CORO7: variants seen among roughly 807,000 people sequenced by gnomAD.
The protein encoded by CORO7 is coronin 7.
A neutral mutation model predicts 126.6 loss-of-function variants in CORO7; 107 were observed. The observed-to-expected ratio is 0.85, with a 90% confidence interval of 0.72 to 0.99. CORO7 has a LOEUF of 0.99. Among genes scored for constraint, CORO7 ranks in the 50% least tolerant of loss-of-function variants. CORO7 has a pLI of 0.00. For missense variants in CORO7, 1,314 were observed against 1,255.8 expected, an observed-to-expected ratio of 1.05 and a Z score of -0.70; for synonymous variants, 603 against 536.8, an observed-to-expected ratio of 1.12 and a Z score of -1.70.
chr16:4,412,572 C>T, intron 2 of CORO7, 142 bp from the exon 3 acceptor site: 3 of 811,414 alleles, frequency 3.7e-6, no homozygotes, highest in Non-Finnish European at 5.9e-6. Context: ...ATATCCTCTG[C>T]ACGTAGCAAT....
At chr16:4,415,703 C>T (rs1394288313) in intron 1 of CORO7, 3 of 984,634 alleles carry the variant, frequency 3.0e-6, no homozygotes, top group Non-Finnish European at 2.4e-6. Flanking sequence ...GGAGGACACT[C>T]CCAGGCCTTA....
chr16:4,379,610 A>C (rs2054878080), intron 9 of CORO7, among the ~76,000 whole-genome samples: 1 of 152,046 alleles, frequency 6.6e-6, no homozygotes, highest in South Asian at 2.1e-4. Flanking sequence ...CTGGGGGGCT[A>C]CCTGAGGTGA....
chr16:4,393,400 A>T (rs1851957184), intron 7 of CORO7, among the ~76,000 whole-genome samples: 1 of 152,198 alleles, frequency 6.6e-6, no homozygotes, highest in Non-Finnish European at 1.5e-5. Context: ...CATGACGAAG[A>T]GGTCAGCCAG....
intron 9 of CORO7, among the ~76,000 whole-genome samples, chr16:4,385,972 T>C (rs995054736): frequency 1.3e-5 from 2 of 152,224 alleles, no homozygotes; most frequent in Non-Finnish European, 2.9e-5. Flanking sequence ...CTCCAGACTT[T>C]CCATGCTCAG....
At chr16:4,368,911 G>A (rs1276686706) in intron 9 of CORO7, among the ~76,000 whole-genome samples, 1 of 152,230 alleles carries the variant, frequency 6.6e-6, no homozygotes, top group African/African-American at 2.4e-5. Context: ...TGCCAGGACA[G>A]AAGCTGAGGG....
intron 6 of CORO7, 125 bp from the exon 7 acceptor site, chr16:4,395,464 A>G (rs1031497204): frequency 8.1e-7 from 1 of 1,241,344 alleles, no homozygotes; most frequent in Admixed American, 2.0e-5. Context: ...CAGGGCTGCC[A>G]TCACACACCA....
At chr16:4,366,168 C>T (rs973806623) in intron 9 of CORO7, among the ~76,000 whole-genome samples, 1 of 152,216 alleles carries the variant, frequency 6.6e-6, no homozygotes. Flanking sequence ...CTCCTCCGGC[C>T]GCTGGGCTTC....
intron 1 of CORO7, chr16:4,415,977 T>A (rs2056395538): frequency 5.6e-6 from 4 of 710,986 alleles, no homozygotes; most frequent in Non-Finnish European, 6.9e-6. Flanking sequence ...AGGGGCTCCC[T>A]CCCCACCACT....
At chr16:4,395,646 T>C (rs2055557812) in intron 6 of CORO7, among the ~76,000 whole-genome samples, 3 of 152,180 alleles carry the variant, frequency 2.0e-5, no homozygotes, top group South Asian at 2.1e-4. Flanking sequence ...CCCCTCCTAC[T>C]CTTCCAACTA....
intron 26 of CORO7, 93 bp downstream of exon 26, chr16:4,357,075 C>A (rs1249444251): frequency 6.6e-7 from 1 of 1,508,542 alleles, no homozygotes; most frequent in African/African-American, 1.4e-5. Flanking sequence ...GGCTGCTGTC[C>A]CAGTCTGGGT....
chr16:4,358,752 G>A, intron 23 of CORO7: 1 of 398,914 alleles, frequency 2.5e-6, no homozygotes, highest in Non-Finnish European at 4.5e-6. Flanking sequence ...GTTGGGAAGA[G>A]ATGTAAATAG....
intron 1 of CORO7, among the ~76,000 whole-genome samples, chr16:4,416,098 G>A (rs1018232598): frequency 6.6e-6 from 1 of 152,050 alleles, no homozygotes; most frequent in African/African-American, 2.4e-5. Context: ...CGCCGGCAGC[G>A]CCCCGAGCCC....
chr16:4,393,551 C>A (rs947508249), intron 7 of CORO7, among the ~76,000 whole-genome samples: 53 of 152,202 alleles, frequency 3.5e-4, no homozygotes, highest in African/African-American at 1.2e-3. Flanking sequence ...CTGCAATCTT[C>A]CATGTGACTG....
At chr16:4,415,023 G>C (rs1034999603) in intron 1 of CORO7, among the ~76,000 whole-genome samples, 1 of 152,006 alleles carries the variant, frequency 6.6e-6, no homozygotes, top group African/African-American at 2.4e-5. Context: ...CACCACACCT[G>C]GCTAATTTTT....
chr16:4,383,705 G>A (rs1009634900), intron 9 of CORO7, among the ~76,000 whole-genome samples: 4 of 152,212 alleles, frequency 2.6e-5, no homozygotes, highest in African/African-American at 7.2e-5. Flanking sequence ...GCCCAGGTGG[G>A]AGCAGGGCTG....
At chr16:4,357,061 A>G (rs1350844084) in intron 26 of CORO7, 107 bp downstream of exon 26, 3 of 1,410,912 alleles carry the variant, frequency 2.1e-6, no homozygotes, top group Non-Finnish European at 2.9e-6. Flanking sequence ...GGGACGTGAC[A>G]TGTGGCTGCT....
intron 10 of CORO7, 90 bp downstream of exon 10, chr16:4,365,401 C>G: frequency 6.6e-7 from 1 of 1,520,732 alleles, no homozygotes; most frequent in Non-Finnish European, 8.9e-7. Context: ...GACACAGAGG[C>G]CCTGTTCGAG....
At chr16:4,372,587 G>C (rs1263289313) in intron 9 of CORO7, among the ~76,000 whole-genome samples, 1 of 152,180 alleles carries the variant, frequency 6.6e-6, no homozygotes, top group Non-Finnish European at 1.5e-5. Context: ...GCAGGGTGCC[G>C]GGTCTCTGCC....
chr16:4,403,156 G>T (rs910818783), intron 6 of CORO7, among the ~76,000 whole-genome samples: 1 of 151,948 alleles, frequency 6.6e-6, no homozygotes, highest in Non-Finnish European at 1.5e-5. Flanking sequence ...GCTCACGCTC[G>T]CTCCTGGTGT....
Sources: gnomAD v4.1 joint callset for allele counts (sites outside exome capture counted in the v4.1 genomes callset) on GRCh38, gnomAD v4.1.1 for gene constraint, MANE v1.5 for transcripts, NCBI Gene and HGNC (gene_info 2026-07-23, HGNC 2026-07-21) for gene names.